The following ICA1 variants were observed in gnomAD, a reference collection of about 807,000 sequenced individuals.
ICA1 encodes islet cell autoantigen 1.
In ICA1, 40 loss-of-function variants were observed where a neutral mutation model predicts 71.0. That is an observed-to-expected ratio of 0.56 (90% confidence interval 0.44 to 0.73). The LOEUF (loss-of-function observed/expected upper bound fraction) is 0.73. Ranked by LOEUF, ICA1 falls within the 30% of genes least tolerant of loss-of-function variation. ICA1 has a pLI of 0.00. For missense variants in ICA1, 578 were observed against 576.5 expected, an observed-to-expected ratio of 1.00 and a Z score of -0.03; for synonymous variants, 207 against 209.5, an observed-to-expected ratio of 0.99 and a Z score of 0.10.
At chr7:8,154,119 T>C (rs1396600046) in intron 8 of ICA1, among the ~76,000 whole-genome samples, 1 of 152,096 alleles carries the variant, frequency 6.6e-6, no homozygotes, top group Non-Finnish European at 1.5e-5. Context: ...TATAATTATA[T>C]TAGGCTTGGG....
chr7:8,252,583 A>G (rs1185309757), intron 1 of ICA1, among the ~76,000 whole-genome samples: 1 of 152,110 alleles, frequency 6.6e-6, no homozygotes, highest in African/African-American at 2.4e-5. Context: ...CTCTAAATGT[A>G]AAATTCACAC....
At chr7:8,259,897 T>C (rs563652449) in intron 1 of ICA1, among the ~76,000 whole-genome samples, 1 of 152,012 alleles carries the variant, frequency 6.6e-6, no homozygotes. Flanking sequence ...GGTGGTGGGG[T>C]TGGGGGATAA....
chr7:8,171,385 G>C (rs955371946), intron 6 of ICA1, among the ~76,000 whole-genome samples: 1 of 151,820 alleles, frequency 6.6e-6, no homozygotes, highest in Admixed American at 6.6e-5. Context: ...TGTCTTTAAA[G>C]GGATTTGTCC....
At chr7:8,149,431 C>T (rs1798078829) in intron 8 of ICA1, among the ~76,000 whole-genome samples, 1 of 152,194 alleles carries the variant, frequency 6.6e-6, no homozygotes, top group South Asian at 2.1e-4. Context: ...TTTCAGGAAG[C>T]ACACACACAG....
chr7:8,245,561 T>C (rs1039034394), intron 1 of ICA1, among the ~76,000 whole-genome samples: 13 of 151,946 alleles, frequency 8.6e-5, no homozygotes, highest in African/African-American at 3.1e-4. Flanking sequence ...AGTATAATAA[T>C]AATAATTAAA....
Position 8,208,236 on chromosome 7 carries a change from C to T in ICA1, c.579+10069G>A, listed in dbSNP as rs143634729. Among the ~76,000 whole-genome samples, 13 of 152,146 alleles carry T rather than the reference C, an allele frequency of 8.5e-5. No individual in the cohort carries two copies. In the Middle Eastern group the frequency reaches 0.01, roughly 119 times the overall value. ...ACGAAACCATTATTTTTGCAGTCAC[C>T]GAAGTCTGTTTGTAAAGAAGGATTT... is the stretch of plus-strand genomic sequence containing the variant. On this transcript the variant is annotated intron_variant, in intron 6 of 13. Coordinates refer to ENST00000402384, the MANE Select transcript of ICA1 (RefSeq NM_001136020.3).
At chr7:8,160,469 G>A (rs1466254250) in intron 6 of ICA1, among the ~76,000 whole-genome samples, 1 of 152,154 alleles carries the variant, frequency 6.6e-6, no homozygotes, top group African/African-American at 2.4e-5. Context: ...TGACTCCAAA[G>A]CCATGCTATT....
chr7:8,190,387 C>A (rs1320513708), intron 6 of ICA1, among the ~76,000 whole-genome samples: 1 of 152,002 alleles, frequency 6.6e-6, no homozygotes, highest in Non-Finnish European at 1.5e-5. Context: ...CAGAAACATT[C>A]CATAAACTCA....
At chr7:8,189,902 G>A (rs544805130) in intron 6 of ICA1, among the ~76,000 whole-genome samples, 17 of 152,298 alleles carry the variant, frequency 1.1e-4, no homozygotes, top group South Asian at 8.3e-4. Context: ...TTAGAAAGGC[G>A]GATTTCAAGA....
intron 13 of ICA1, among the ~76,000 whole-genome samples, chr7:8,120,637 G>C (rs965301842): frequency 6.6e-6 from 1 of 152,178 alleles, no homozygotes; most frequent in Non-Finnish European, 1.5e-5. Context: ...TGAGCAACCA[G>C]GGCACTGAGT....
intron 1 of ICA1, among the ~76,000 whole-genome samples, chr7:8,260,393 G>T (rs1171541211): frequency 6.6e-6 from 1 of 152,122 alleles, no homozygotes; most frequent in South Asian, 2.1e-4. Flanking sequence ...GGGGAAAATA[G>T]TTACAAAATA....
Position 8,223,328 on chromosome 7 carries a change from T to A in ICA1, c.257-1930A>T, listed in dbSNP as rs1345199700. ...AAGAAACCAATTTGTGGTACCTGAA[T>A]AATTACATGGTTGACAAAATGTACT... On this transcript the variant is annotated intron_variant, in intron 4 of 13. Coordinates refer to ENST00000402384, the MANE Select transcript of ICA1 (RefSeq NM_001136020.3). The surrounding 1 kb of genome is among the most constrained non-coding windows in gnomAD (Gnocchi z 4.1). 6.6e-6 allele frequency among the ~76,000 whole-genome samples: 1 copy of A among 152,214 alleles called. No homozygotes were observed. Among genetic ancestry groups the A allele is most frequent in the Admixed American group, 6.5e-5 (1 of 15,278 alleles).
chr7:8,220,751 T>A (rs1796779605), intron 5 of ICA1, among the ~76,000 whole-genome samples: 1 of 152,196 alleles, frequency 6.6e-6, no homozygotes, highest in Non-Finnish European at 1.5e-5. Flanking sequence ...AAAATGTGGA[T>A]GTGGATCCTG....
chr7:8,212,492 G>A (rs1376671396), intron 6 of ICA1, among the ~76,000 whole-genome samples: 1 of 8,254 alleles, frequency 1.2e-4, no homozygotes, highest in African/African-American at 9.1e-4. Flanking sequence ...TTGAACCTGG[G>A]AAGCGGAGGT....
At chr7:8,172,364 T>C (rs954302246) in intron 6 of ICA1, among the ~76,000 whole-genome samples, 1 of 152,146 alleles carries the variant, frequency 6.6e-6, no homozygotes, top group Non-Finnish European at 1.5e-5. Context: ...TGCTGAAGTA[T>C]GTTTTTGTCT....
rs375342535 is a variant in ICA1, at chr7:8,235,952, G to T, written c.-26C>A. ...GTTTTCTTCTTCTTCTATTGTTGATGATTTGGGGAGAAGGGGCAGGAAAAA... is the reference window on the plus strand; with the variant it reads ...GTTTTCTTCTTCTTCTATTGTTGATTATTTGGGGAGAAGGGGCAGGAAAAA... On this transcript the variant is annotated 5_prime_UTR_variant, in exon 2 of 14. Coordinates refer to ENST00000402384, the MANE Select transcript of ICA1 (RefSeq NM_001136020.3). 3.6e-5 allele frequency: 58 copies of T among 1,611,176 alleles called. No homozygotes were observed. The African/African-American group carries it at 6.4e-4, about 18-fold the overall frequency.
intron 6 of ICA1, among the ~76,000 whole-genome samples, chr7:8,172,094 C>A (rs1808577867): frequency 6.6e-6 from 1 of 151,960 alleles, no homozygotes; most frequent in Non-Finnish European, 1.5e-5. Flanking sequence ...ATGGAACATT[C>A]TGTAAATGTC....
chr7:8,146,995 G>A (rs976342388), intron 8 of ICA1, among the ~76,000 whole-genome samples: 1 of 151,696 alleles, frequency 6.6e-6, no homozygotes, highest in African/African-American at 2.4e-5. Context: ...GGTTCTGATG[G>A]CTCCCAAGAC....
intron 13 of ICA1, 188 bp from the exon 14 acceptor site, chr7:8,114,232 A>T: frequency 3.3e-6 from 2 of 602,634 alleles, no homozygotes; most frequent in Non-Finnish European, 5.8e-6. Flanking sequence ...AACATTTCCA[A>T]ACCAGGGCCT....
Sources: allele counts gnomAD v4.1 joint callset (sites outside exome capture counted in the v4.1 genomes callset), GRCh38; gene constraint gnomAD v4.1.1; non-coding constraint Gnocchi (gnomAD v3.1); transcripts MANE v1.5; gene names NCBI Gene and HGNC (gene_info 2026-07-23, HGNC 2026-07-21).